ABI2: variants seen among roughly 807,000 people sequenced by gnomAD.
ABI2 encodes abl interactor 2.
Under a neutral mutation model 59.2 loss-of-function variants are expected in ABI2, and 25 were observed. That is an observed-to-expected ratio of 0.42 (90% confidence interval 0.31 to 0.59). The LOEUF (loss-of-function observed/expected upper bound fraction) is 0.59. ABI2 is among the 20% of genes least tolerant of loss of function. The pLI is 0.14. For synonymous variants in ABI2, 213 were observed against 235.5 expected, an observed-to-expected ratio of 0.90 and a Z score of 0.87; for missense variants, 545 against 681.8, an observed-to-expected ratio of 0.80 and a Z score of 2.23.
intron 1 of ABI2, among the ~76,000 whole-genome samples, chr2:203,357,669 G>T (rs191086646): frequency 1.7e-3 from 260 of 152,346 alleles, no homozygotes; most frequent in Non-Finnish European, 2.3e-3. Context: ...ACTGAAGCCA[G>T]TATATGTTAA....
At chr2:203,377,011 G>C (rs113503336) in intron 2 of ABI2, among the ~76,000 whole-genome samples, 4 of 152,168 alleles carry the variant, frequency 2.6e-5, no homozygotes, top group African/African-American at 9.6e-5. Flanking sequence ...TCATTCTCTG[G>C]AGATTTATTA....
intron 1 of ABI2, among the ~76,000 whole-genome samples, chr2:203,365,457 T>C (rs2094280904): frequency 1.3e-5 from 2 of 152,260 alleles, no homozygotes; most frequent in Admixed American, 1.3e-4. Flanking sequence ...TTCATTATTG[T>C]ATAATTTAAA....
Position 203,385,164 on chromosome 2 carries a change from G to C in ABI2, c.480+2958G>C. 7.5e-5 allele frequency among the ~76,000 whole-genome samples: 2 copies of C among 26,506 alleles called. 1 individual carries two copies. Among genetic ancestry groups the C allele is most frequent in the East Asian group, 1.0e-3 (2 of 1,914 alleles). The allele number at this position is 26,506 out of a possible 152,430, so 17.4% of individuals were successfully genotyped here. A position where few individuals can be genotyped will look rare whatever the true frequency, so the allele number is the denominator to read the frequency against. On this transcript the variant is annotated intron_variant, in intron 4 of 11. Coordinates refer to ENST00000261018, the MANE Select transcript of ABI2 (RefSeq NM_001375670.1). ...CTTTTTTTTTTTTTGAGACAGTCTT[G>C]CCGTTGCCCAGGCTGGAGTGCAGTG...
At chr2:203,409,229 C>T (rs1263341521) in intron 9 of ABI2, among the ~76,000 whole-genome samples, 1 of 152,178 alleles carries the variant, frequency 6.6e-6, no homozygotes, top group East Asian at 1.9e-4. Flanking sequence ...GAGTGGGAAG[C>T]AGACACGCAA....
At chr2:203,366,810 G>T in intron 1 of ABI2, 67 bp from the exon 2 acceptor site, 1 of 1,428,652 alleles carries the variant, frequency 7.0e-7, no homozygotes, top group Non-Finnish European at 9.3e-7. Flanking sequence ...TGAGTTTTTT[G>T]GTAGGTTAGT....
intron 4 of ABI2, among the ~76,000 whole-genome samples, chr2:203,387,472 A>G (rs1377265635): frequency 1.3e-5 from 2 of 152,164 alleles, no homozygotes; most frequent in South Asian, 2.1e-4. Flanking sequence ...ATCATAGCCT[A>G]TTGGGAAAGT....
intron 11 of ABI2, among the ~76,000 whole-genome samples, chr2:203,423,561 G>A (rs1293229917): frequency 6.6e-6 from 1 of 152,188 alleles, no homozygotes; most frequent in Admixed American, 6.5e-5. Context: ...GAGTAGCTGG[G>A]ACTACAGGCG....
chr2:203,378,675 T>C (rs902683948), intron 2 of ABI2, among the ~76,000 whole-genome samples: 1 of 152,182 alleles, frequency 6.6e-6, no homozygotes, highest in South Asian at 2.1e-4. Flanking sequence ...TTTTCACTGT[T>C]ACTACCAGGT....
chr2:203,355,131 C>A, intron 1 of ABI2: 2 of 364,498 alleles, frequency 5.5e-6, no homozygotes, highest in Non-Finnish European at 5.9e-6. Flanking sequence ...ATCCTATTTT[C>A]TGGATCCCAT....
chr2:203,399,286 T>A (rs2097127286), intron 8 of ABI2, among the ~76,000 whole-genome samples: 1 of 152,216 alleles, frequency 6.6e-6, no homozygotes, highest in South Asian at 2.1e-4. Flanking sequence ...TGCATTTTCT[T>A]AATGACTAAT....
chr2:203,412,583 G>T (rs973082831), intron 10 of ABI2, among the ~76,000 whole-genome samples: 2 of 151,276 alleles, frequency 1.3e-5, no homozygotes, highest in Non-Finnish European at 2.9e-5. Flanking sequence ...AAGATGTTTT[G>T]TTGAGTTTAA....
intron 1 of ABI2, among the ~76,000 whole-genome samples, chr2:203,338,934 GTATATA>G (rs1292898900): frequency 0.027 from 138 of 5,072 alleles, no homozygotes; most frequent in African/African-American, 0.053. Context: ...GTGTGTATAT[GTATATA>G]TATATATATA....
At chr2:203,334,668 A>AT (rs11390894) in intron 1 of ABI2, among the ~76,000 whole-genome samples, 102,590 of 146,786 alleles carry the variant, frequency 0.7, 36,402 homozygotes, top group Middle Eastern at 0.82. Context: ...CTAGTTGTAG[A>AT]TTTTTTTTTT....
chr2:203,404,504 C>CA (rs2097348178), intron 9 of ABI2, among the ~76,000 whole-genome samples: 1 of 152,210 alleles, frequency 6.6e-6, no homozygotes, highest in East Asian at 1.9e-4. Context: ...TTTTCAAACT[C>CA]ACATTTGTTC....
Position 203,363,953 on chromosome 2 carries a change from G to A in ABI2, c.118-2924G>A, listed in dbSNP as rs1045624473. The stretch of plus-strand genomic sequence containing the variant: ...CTAATTTTGTATTTTTAGTAGAGAC[G>A]GGGTTTTACCATGTTGGTCAGGCTG... On this transcript the variant is annotated intron_variant, in intron 1 of 11. Coordinates refer to ENST00000261018, the MANE Select transcript of ABI2 (RefSeq NM_001375670.1). Among the ~76,000 whole-genome samples the A allele has an allele frequency of 5.9e-5, 9 of 151,594 alleles. No homozygotes were observed. The East Asian group carries it at 1.4e-3, about 23-fold the overall frequency.
chr2:203,402,491 A>G (rs2097264084), intron 8 of ABI2, 85 bp from the exon 9 acceptor site: 1 of 1,042,838 alleles, frequency 9.6e-7, no homozygotes, highest in South Asian at 4.0e-5. Flanking sequence ...TTTAATTCTT[A>G]AGATTTAGGC....
intron 11 of ABI2, among the ~76,000 whole-genome samples, chr2:203,426,785 T>TAAAAAA (rs59683844): frequency 7.6e-6 from 1 of 131,828 alleles, no homozygotes. Flanking sequence ...AGAAAAGCTT[T>TAAAAAA]AAAAAAAAAA....
chr2:203,392,971 T>TC, intron 5 of ABI2, among the ~76,000 whole-genome samples: 1 of 151,708 alleles, frequency 6.6e-6, no homozygotes, highest in Non-Finnish European at 1.5e-5. Context: ...TTGCTCCTTT[T>TC]TTTTTTAAAA....
At chr2:203,406,561 T>G (rs2097434082) in intron 9 of ABI2, among the ~76,000 whole-genome samples, 1 of 152,228 alleles carries the variant, frequency 6.6e-6, no homozygotes, top group Non-Finnish European at 1.5e-5. Context: ...TCACATATTC[T>G]CTAAATGATT....
Sources: allele counts gnomAD v4.1 joint callset (sites outside exome capture counted in the v4.1 genomes callset), GRCh38; gene constraint gnomAD v4.1.1; transcripts MANE v1.5; gene names NCBI Gene and HGNC (gene_info 2026-07-23, HGNC 2026-07-21).